MACC1: variants seen among roughly 807,000 people sequenced by gnomAD.
The protein encoded by MACC1 is metastasis-associated in colon cancer protein 1.
In MACC1, 79 loss-of-function variants were observed where a neutral mutation model predicts 70.7. That is an observed-to-expected ratio of 1.12 (90% confidence interval 0.93 to 1.35). The LOEUF is 1.35. Ranked by LOEUF, MACC1 falls within the 40% of genes most tolerant of loss-of-function variation. The pLI is 0.00. For missense variants in MACC1, 1,106 were observed against 978.1 expected (o/e 1.13, Z -1.74); for synonymous variants, 361 against 347.2 (o/e 1.04, Z -0.44).
At chr7:20,189,321 GA>G (rs1324258280) in intron 1 of MACC1, among the ~76,000 whole-genome samples, 7 of 152,164 alleles carry the variant, frequency 4.6e-5, no homozygotes, top group African/African-American at 1.7e-4. Flanking sequence ...AGCACCAAAA[GA>G]GTGACAATTT....
chr7:20,146,346 G>A (rs1259088207), intron 6 of MACC1, among the ~76,000 whole-genome samples: 2 of 151,864 alleles, frequency 1.3e-5, no homozygotes, highest in Non-Finnish European at 2.9e-5. Context: ...TTTCATTCTG[G>A]TTTTCTTAAA....
At chr7:20,169,190 C>G (rs1047414642) in intron 2 of MACC1, among the ~76,000 whole-genome samples, 2 of 152,178 alleles carry the variant, frequency 1.3e-5, no homozygotes, top group African/African-American at 4.8e-5. Context: ...ATAAAATATT[C>G]CCAGTGATAT....
intron 5 of MACC1, among the ~76,000 whole-genome samples, chr7:20,156,171 A>C (rs1390424165): frequency 1.3e-5 from 2 of 152,174 alleles, no homozygotes. Flanking sequence ...TGCCACACCA[A>C]ATCAATATAC....
intron 1 of MACC1, among the ~76,000 whole-genome samples, chr7:20,197,142 A>G (rs951523772): frequency 2.0e-5 from 3 of 152,224 alleles, no homozygotes; most frequent in Non-Finnish European, 4.4e-5. Flanking sequence ...TGAAAATTAA[A>G]ATTCTGGTCT....
chr7:20,146,285 T>G (rs1278388847), intron 6 of MACC1, among the ~76,000 whole-genome samples: 1 of 152,210 alleles, frequency 6.6e-6, no homozygotes, highest in Non-Finnish European at 1.5e-5. Flanking sequence ...ATATGAACAT[T>G]TGGACACAAG....
Position 20,140,878 on chromosome 7 carries a change from CACACAG to C in MACC1, c.*62_*67del, listed in dbSNP as rs1781789222. ...AGACACACAGAGACACACACAGACA[CACACAG>C]ACACACACACACACACACCATTACC... On this transcript the variant is annotated 3_prime_UTR_variant, in exon 7 of 7. Coordinates refer to ENST00000400331, the MANE Select transcript of MACC1 (RefSeq NM_182762.4). The C allele has an allele frequency of 1.0e-5, 12 of 1,178,016 alleles. No individual in the cohort carries two copies. Among genetic ancestry groups the C allele is most frequent in the African/African-American group, 5.1e-5 (3 of 59,044 alleles). 73.0% of individuals were successfully genotyped at this position (1,178,016 alleles called of 1,614,324 possible).
Position 20,154,443 on chromosome 7 carries a change from T to C in MACC1, c.2158-62A>G, listed in dbSNP as rs914481010. ...TAACTTGGGCTTTTCTCTCTATAAA[T>C]TGGAATTTTTATTACATATTCTACA... is the stretch of plus-strand genomic sequence containing the variant. On this transcript the variant is annotated intron_variant, in intron 5 of 6. Coordinates refer to ENST00000400331, the MANE Select transcript of MACC1 (RefSeq NM_182762.4). The C allele has an allele frequency of 1.3e-5, 19 of 1,491,416 alleles. No individual in the cohort carries two copies. In the Admixed American group the frequency reaches 1.6e-4, roughly 13 times the overall value. 92.4% of individuals were successfully genotyped at this position (1,491,416 alleles called of 1,614,324 possible).
chr7:20,199,604 G>A (rs995354905), intron 1 of MACC1, among the ~76,000 whole-genome samples: 1 of 152,182 alleles, frequency 6.6e-6, no homozygotes, highest in African/African-American at 2.4e-5. Context: ...AAATAAGGAT[G>A]AAATGACAGA....
intron 1 of MACC1, among the ~76,000 whole-genome samples, chr7:20,215,015 C>T (rs1020274734): frequency 4.6e-5 from 7 of 152,234 alleles, no homozygotes; most frequent in East Asian, 1.9e-4. Context: ...CCTGGGTACG[C>T]GTCTCTTCTG....
intron 1 of MACC1, among the ~76,000 whole-genome samples, chr7:20,206,623 T>C (rs1426196838): frequency 6.6e-6 from 1 of 152,190 alleles, no homozygotes; most frequent in Admixed American, 6.5e-5. Context: ...CAGCCAAGAT[T>C]ATAGCTACAC....
chr7:20,207,562 C>T (rs1782930575), intron 1 of MACC1, among the ~76,000 whole-genome samples: 2 of 152,074 alleles, frequency 1.3e-5, no homozygotes, highest in South Asian at 2.1e-4. Flanking sequence ...TAAAATAAAT[C>T]AGATATGTCC....
Position 20,137,621 on chromosome 7 carries a change from G to A in MACC1, c.*3325C>T, listed in dbSNP as rs978828812. 2 of 152,126 alleles carry A rather than the reference G, an allele frequency of 1.3e-5. No homozygotes were observed. Among genetic ancestry groups the A allele is most frequent in the Non-Finnish European group, 2.9e-5 (2 of 68,012 alleles). The allele number at this position is 152,126 out of a possible 1,614,324, so 9.4% of individuals were successfully genotyped here. A position where few individuals can be genotyped will look rare whatever the true frequency, so the allele number is the denominator to read the frequency against. On this transcript the variant is annotated 3_prime_UTR_variant, in exon 7 of 7. Coordinates refer to ENST00000400331, the MANE Select transcript of MACC1 (RefSeq NM_182762.4). ...TTCTGCTTTCAAAATGCTTAAAGAA[G>A]TTTTAGATTAATGGGATTTGATACT...
intron 1 of MACC1, among the ~76,000 whole-genome samples, chr7:20,208,358 G>A (rs191219324): frequency 2.6e-5 from 4 of 152,308 alleles, no homozygotes; most frequent in African/African-American, 7.2e-5. Context: ...GAACGTCTTA[G>A]AGACTTGCTG....
At chr7:20,167,819 G>A (rs1245662682) in intron 2 of MACC1, among the ~76,000 whole-genome samples, 4 of 152,176 alleles carry the variant, frequency 2.6e-5, no homozygotes, top group African/African-American at 7.2e-5. Flanking sequence ...CCCCACTCTT[G>A]GATAGGCCCC....
intron 1 of MACC1, among the ~76,000 whole-genome samples, chr7:20,175,329 T>C (rs1369379570): frequency 2.0e-5 from 3 of 152,122 alleles, no homozygotes; most frequent in Non-Finnish European, 4.4e-5. Context: ...TAAATGTGTG[T>C]GAATATGTAC....
intron 4 of MACC1, among the ~76,000 whole-genome samples, chr7:20,161,337 T>C (rs908907532): frequency 6.6e-6 from 1 of 152,062 alleles, no homozygotes; most frequent in Non-Finnish European, 1.5e-5. Flanking sequence ...AAGACGGATT[T>C]TGAAAAATAA....
intron 1 of MACC1, among the ~76,000 whole-genome samples, chr7:20,212,603 C>T (rs916124364): frequency 6.6e-6 from 1 of 152,070 alleles, no homozygotes; most frequent in African/African-American, 2.4e-5. Context: ...TTGTCTCCTC[C>T]ATTTATCTGG....
intron 6 of MACC1, among the ~76,000 whole-genome samples, chr7:20,147,844 T>C (rs1250049049): frequency 6.6e-6 from 1 of 152,130 alleles, no homozygotes; most frequent in Non-Finnish European, 1.5e-5. Context: ...TAGTCTAACA[T>C]TATAGGAAAA....
At chr7:20,157,785 A>AG (rs1442366377) in intron 5 of MACC1, among the ~76,000 whole-genome samples, 13 of 149,878 alleles carry the variant, frequency 8.7e-5, no homozygotes, top group African/African-American at 2.0e-4. Flanking sequence ...AAAAAAAAAA[A>AG]AAAGAAAGAA....
Sources: gnomAD v4.1 joint callset for allele counts (sites outside exome capture counted in the v4.1 genomes callset) on GRCh38, gnomAD v4.1.1 for gene constraint, MANE v1.5 for transcripts, NCBI Gene and HGNC (gene_info 2026-07-23, HGNC 2026-07-21) for gene names.